Variants in C10orf105 observed in about 807,000 individuals in gnomAD.
The protein encoded by C10orf105 is uncharacterized protein C10orf105.
In C10orf105, 2 loss-of-function variants were observed where a neutral mutation model predicts 0.6. The observed-to-expected ratio is 3.18, with a 90% CI of 1.30 to 10.01. C10orf105 has a LOEUF of 10.01. Ranked by LOEUF, C10orf105 falls within the 30% of genes most tolerant of loss-of-function variation. The pLI, the probability that C10orf105 is intolerant of heterozygous loss-of-function variation, is 0.04. For missense variants in C10orf105, 209 were observed against 191.4 expected (o/e 1.09, Z -0.54); for synonymous variants, 95 against 82.4 (o/e 1.15, Z -0.83).
chr10:71,720,126 G>A (rs1866484809), upstream of C10orf105, among the ~76,000 whole-genome samples: 3 of 152,218 alleles, frequency 2.0e-5, no homozygotes, highest in South Asian at 6.2e-4. Context: ...AGGTTACCCT[G>A]GAGAGGGGCT....
chr10:71,735,646 A>G (rs1210578259), intron 1 of C10orf105, among the ~76,000 whole-genome samples: 4 of 152,220 alleles, frequency 2.6e-5, no homozygotes, highest in Admixed American at 6.5e-5. Context: ...ACATTAACCT[A>G]AAAAAGCTAG....
rs1839425751 is a variant in C10orf105 at position 71,732,474 on chromosome 10, G to A, written c.-6+5254C>T. Reference sequence around the variant, plus strand: ...AGCACTCTCCTCTTTGTCATAAAATGTCCTTGAGATGGCCAAGTGTGGTGT... The same window carrying A: ...AGCACTCTCCTCTTTGTCATAAAATATCCTTGAGATGGCCAAGTGTGGTGT... On this transcript the variant is annotated intron_variant, in intron 1 of 1. Coordinates refer to the C10orf105 transcript ENST00000398786. 8.0e-6 allele frequency: 12 copies of A among 1,501,798 alleles called. No individual in the cohort carries two copies. In the African/African-American group the frequency reaches 1.1e-4, roughly 14 times the overall value. The allele number at this position is 1,501,798 out of a possible 1,614,324, so 93.0% of individuals were successfully genotyped here.
rs1866215297 is a variant in C10orf105 at position 71,716,111 on chromosome 10, G to A, written c.227C>T (p.Pro76Leu). 2 of 1,546,560 alleles carry A rather than the reference G, an allele frequency of 1.3e-6. No homozygotes were observed. The highest frequency in any genetic ancestry group is 2.0e-5 in the Admixed American group (1 of 50,534). ...CTCACTGGGGCTCCCAGGGTGGTGG[G>A]GCATGCACTCGTGAGCCCTGCGGCG... ...PSRRRAHECM[P>L]HHPGSPSEPQ... Residue 76 changes from proline (P) to leucine (L), a missense_variant, in exon 2 of 2, where the codon CCC becomes CTC. Coordinates refer to ENST00000441508, the MANE Select transcript of C10orf105 (RefSeq NM_001164375.3).
chr10:71,734,898 G>A (rs577149169), intron 1 of C10orf105, among the ~76,000 whole-genome samples: 6 of 152,354 alleles, frequency 3.9e-5, no homozygotes, highest in African/African-American at 1.2e-4. Flanking sequence ...TCTTGGGTGG[G>A]GAGAGTACTA....
At chr10:71,730,959 C>T (rs1406274315) in intron 1 of C10orf105, among the ~76,000 whole-genome samples, 3 of 152,250 alleles carry the variant, frequency 2.0e-5, no homozygotes, top group African/African-American at 7.2e-5. Flanking sequence ...TGGCTGCGGC[C>T]TGGCCTGCTC....
intron 1 of C10orf105, chr10:71,730,403 G>A: frequency 6.3e-7 from 1 of 1,577,192 alleles, no homozygotes; most frequent in Non-Finnish European, 8.6e-7. Flanking sequence ...GCCACAGTGG[G>A]CCAAGCCCTG....
intron 1 of C10orf105, among the ~76,000 whole-genome samples, chr10:71,736,875 T>C (rs911354214): frequency 1.3e-4 from 20 of 152,112 alleles, no homozygotes; most frequent in African/African-American, 4.6e-4. Flanking sequence ...TATAATAAGG[T>C]GTCAGGGAAC....
chr10:71,723,235 G>A (rs1005897919), upstream of C10orf105, among the ~76,000 whole-genome samples: 1 of 152,186 alleles, frequency 6.6e-6, no homozygotes, highest in Non-Finnish European at 1.5e-5. Context: ...ACTGCCCTGG[G>A]GGGTGTTTGT....
chr10:71,719,010 T>C (rs1466726667), intron 1 of C10orf105, among the ~76,000 whole-genome samples: 1 of 151,864 alleles, frequency 6.6e-6, no homozygotes, highest in Non-Finnish European at 1.5e-5. Context: ...CCCAAAAGTT[T>C]GAGGCTACAG....
chr10:71,714,011 ACTC>A lies in C10orf105; in HGVS notation c.*1922_*1924del, dbSNP rs1866103525. Reference sequence around the variant, plus strand: ...ACTTGGTTTCTATTTACACAATACTACTCTTACTGAAATCCTAGAGCCAGCGAG... The same window carrying A: ...ACTTGGTTTCTATTTACACAATACTATTACTGAAATCCTAGAGCCAGCGAG... On this transcript the variant is annotated 3_prime_UTR_variant, in exon 2 of 2. Coordinates refer to ENST00000441508, the MANE Select transcript of C10orf105 (RefSeq NM_001164375.3). The A allele has an allele frequency of 6.6e-6, 1 of 151,704 alleles. No homozygotes were observed. The highest frequency in any genetic ancestry group is 1.5e-5 in the Non-Finnish European group (1 of 67,910). 9.4% of individuals were successfully genotyped at this position (151,704 alleles called of 1,614,324 possible).
intron 1 of C10orf105, among the ~76,000 whole-genome samples, chr10:71,718,293 G>A (rs893242516): frequency 3.9e-5 from 6 of 152,168 alleles, no homozygotes; most frequent in African/African-American, 1.2e-4. Context: ...ACCAGCAGCC[G>A]CAGGACCTCA....
At chr10:71,723,957 C>G, upstream of C10orf105, 1 of 1,437,244 alleles carries the variant, frequency 7.0e-7, no homozygotes, top group Non-Finnish European at 9.6e-7. Flanking sequence ...GGGTAGGATG[C>G]GTGAAGGGAA....
At chr10:71,726,813 T>A (rs1263387851) in intron 1 of C10orf105, among the ~76,000 whole-genome samples, 1 of 152,228 alleles carries the variant, frequency 6.6e-6, no homozygotes, top group Non-Finnish European at 1.5e-5. Context: ...CAGCCCTCCA[T>A]GTGGCCCTCG....
intron 1 of C10orf105, 29 bp from the exon 2 acceptor site, chr10:71,716,371 A>G: frequency 6.9e-7 from 1 of 1,454,196 alleles, no homozygotes; most frequent in Non-Finnish European, 9.1e-7. Flanking sequence ...AGAAGCTCAA[A>G]GGCAGATCAG....
upstream of C10orf105, among the ~76,000 whole-genome samples, chr10:71,723,729 C>T (rs772491955): frequency 6.6e-6 from 1 of 152,164 alleles, no homozygotes; most frequent in Non-Finnish European, 1.5e-5. Flanking sequence ...ATGGAACAGC[C>T]TGAGAAAGCC....
intron 1 of C10orf105, chr10:71,734,105 A>C: frequency 1.4e-6 from 1 of 736,896 alleles, no homozygotes; most frequent in South Asian, 1.6e-5. Flanking sequence ...GAGAAGAAGG[A>C]ATTCAACAGA....
In C10orf105 at chr10:71,736,030, C is replaced by T. The variant is rs916209745; in HGVS notation, c.-6+1698G>A. 8.5e-5 allele frequency among the ~76,000 whole-genome samples: 13 copies of T among 152,234 alleles called. No individual in the cohort carries two copies. In the South Asian group the frequency reaches 1.9e-3, roughly 22 times the overall value. On this transcript the variant is annotated intron_variant, in intron 1 of 1. Transcript: ENST00000398786. ...CCTGGCCCTCACACAGCAGGTGTTG[C>T]GAGAAGGCTGGGAGGAGAGGCCAGT...
Position 71,712,515 on chromosome 10 carries a change from C to A in C10orf105, c.*3421G>T, listed in dbSNP as rs542115900. On this transcript the variant is annotated 3_prime_UTR_variant, in exon 2 of 2. Coordinates refer to ENST00000441508, the MANE Select transcript of C10orf105 (RefSeq NM_001164375.3). ...TGATACTGTTAGTGTTATTCCTAAG[C>A]TAAAAAGGAAGTCACCCCTTGCAAA... is the stretch of plus-strand genomic sequence containing the variant. 5.5e-6 allele frequency: 4 copies of A among 726,188 alleles called. No individual in the cohort carries two copies. Among genetic ancestry groups the A allele is most frequent in the African/African-American group, 1.8e-5 (1 of 56,292 alleles). The allele number at this position is 726,188 out of a possible 1,614,324, so 45.0% of individuals were successfully genotyped here.
intron 1 of C10orf105, among the ~76,000 whole-genome samples, chr10:71,726,157 G>A (rs765224915): frequency 6.6e-6 from 1 of 152,164 alleles, no homozygotes; most frequent in South Asian, 2.1e-4. Context: ...GGGGATGACT[G>A]AGATGAATGA....
Sources: gnomAD v4.1 joint callset for allele counts (sites outside exome capture counted in the v4.1 genomes callset) on GRCh38, gnomAD v4.1.1 for gene constraint, MANE v1.5 for transcripts, NCBI Gene and HGNC (gene_info 2026-07-23, HGNC 2026-07-21) for gene names.